Variants in TRIP11 observed in about 807,000 individuals in gnomAD.
TRIP11 encodes thyroid hormone receptor interactor 11, also known as thyroid receptor-interacting protein 11.
A neutral mutation model predicts 223.1 loss-of-function variants in TRIP11; 148 were observed. That is an observed-to-expected ratio of 0.66 (90% CI 0.58 to 0.76). TRIP11 has a LOEUF of 0.76. Ranked by LOEUF, TRIP11 falls within the 30% of genes least tolerant of loss-of-function variation. The pLI, the probability that TRIP11 is intolerant of heterozygous loss-of-function variation, is 0.00. For missense variants in TRIP11, 2,043 were observed against 2,222.0 expected (o/e 0.92, Z 1.62); for synonymous variants, 762 against 772.6 (o/e 0.99, Z 0.23).
chr14:91,999,371 A>G lies in TRIP11; in HGVS notation c.4761T>C (p.His1587=), dbSNP rs559800255. ...SNQELERLRN[H]LLESEDSYTR... ...TATAAGAATCTTCTGATTCTAAAAG[A>G]TGATTACGCAATCTCTCTAGCTCTT... Residue 1587 remains histidine (H), a synonymous_variant, in exon 13 of 21, where the codon CAT becomes CAC. Coordinates refer to ENST00000267622, the MANE Select transcript of TRIP11 (RefSeq NM_004239.4). 27 of 1,613,952 alleles carry G rather than the reference A, an allele frequency of 1.7e-5. No homozygotes were observed. The highest frequency in any genetic ancestry group is 3.3e-4 in the Middle Eastern group (2 of 6,058).
intron 16 of TRIP11, among the ~76,000 whole-genome samples, chr14:91,982,938 A>T (rs2056562364): frequency 2.0e-5 from 3 of 152,146 alleles, no homozygotes. Context: ...ATGTGCACAC[A>T]TACCCACCAC....
At chr14:92,014,132 T>C (rs1012936647) in intron 7 of TRIP11, 83 bp downstream of exon 7, 32 of 1,540,764 alleles carry the variant, frequency 2.1e-5, no homozygotes, top group Non-Finnish European at 2.7e-5. Flanking sequence ...CCACTAAGTA[T>C]TCAGTTAGTG....
intron 2 of TRIP11, among the ~76,000 whole-genome samples, chr14:92,032,857 TTAAA>T (rs1347135169): frequency 1.3e-5 from 2 of 151,910 alleles, no homozygotes; most frequent in Non-Finnish European, 1.5e-5. Flanking sequence ...AAAATTATTC[TTAAA>T]TAAATGTGCC....
rs1260339150 is a variant in TRIP11, at chr14:91,977,798, T to C, written c.5261-1609A>G. Among the ~76,000 whole-genome samples, 3 of 152,212 alleles carry C rather than the reference T, an allele frequency of 2.0e-5. 1 individual carries two copies. In the East Asian group the frequency reaches 5.8e-4, roughly 29 times the overall value. ...TTCTGCACAATGCCCAAAATTCCGA[T>C]TTATGGTACTAAATTCGTATATAAA... On this transcript the variant is annotated intron_variant, in intron 16 of 20. Transcript: ENST00000267622.
intron 11 of TRIP11, among the ~76,000 whole-genome samples, chr14:92,001,375 A>C (rs7161006): frequency 7.9e-6 from 1 of 126,194 alleles, no homozygotes. Context: ...ATAGTTTTTC[A>C]GTTTTTTTTT....
Position 91,968,324 on chromosome 14 carries a change from C to G in TRIP11, c.*1349G>C, listed in dbSNP as rs1447208969. 1 of 204,792 alleles carries G rather than the reference C, an allele frequency of 4.9e-6. No individual in the cohort carries two copies. The highest frequency in any genetic ancestry group is 7.5e-5 in the East Asian group (1 of 13,364). 12.7% of individuals were successfully genotyped at this position (204,792 alleles called of 1,614,324 possible). ...TGAACATCCAGATACAGTTAAGTTT[C>G]AAGTCGGGATTTTTTTTTTATGATG... On this transcript the variant is annotated 3_prime_UTR_variant, in exon 21 of 21. Coordinates refer to ENST00000267622, the MANE Select transcript of TRIP11 (RefSeq NM_004239.4).
rs748913290 is a variant in TRIP11, at chr14:92,033,390, C to T, written c.140-137G>A. On this transcript the variant is annotated intron_variant, in intron 1 of 20. Transcript: ENST00000267622. Reference sequence around the variant, plus strand: ...ATGAAAGCATTCAGAAGAAACAAATCGCTTTATTTCCATAACAACTTTTCA... The same window carrying T: ...ATGAAAGCATTCAGAAGAAACAAATTGCTTTATTTCCATAACAACTTTTCA... 6.6e-5 allele frequency: 45 copies of T among 683,152 alleles called. 1 individual carries two copies. The Middle Eastern group carries it at 1.2e-3, about 19-fold the overall frequency. 42.3% of individuals were successfully genotyped at this position (683,152 alleles called of 1,614,324 possible).
chr14:92,017,216 T>C lies in TRIP11; in HGVS notation c.657+466A>G, dbSNP rs554761988. 5.3e-5 allele frequency among the ~76,000 whole-genome samples: 8 copies of C among 152,066 alleles called. No homozygotes were observed. The East Asian group carries it at 1.5e-3, about 29-fold the overall frequency. ...GGAAAGACAGAGATTTTTATATACT[T>C]TACATAAATAATAAAGAATATTAAA... On this transcript the variant is annotated intron_variant, in intron 5 of 20. Transcript: ENST00000267622.
Position 91,978,976 on chromosome 14 carries a change from G to A in TRIP11, c.5261-2787C>T, listed in dbSNP as rs1158064177. Among the ~76,000 whole-genome samples the A allele has an allele frequency of 6.6e-6, 1 of 152,080 alleles. No individual in the cohort carries two copies. ...ACTATCTCTTATTTTAAAAAGAGAG[G>A]CTGGGCGCAGTGGCTCACGCTTGTA... On this transcript the variant is annotated intron_variant, in intron 16 of 20. Coordinates refer to ENST00000267622, the MANE Select transcript of TRIP11 (RefSeq NM_004239.4). This position sits in a 1 kb window ranked among gnomAD's most constrained non-coding sequence, Gnocchi z 4.4.
chr14:91,983,177 T>G (rs911734823), intron 16 of TRIP11, among the ~76,000 whole-genome samples: 10 of 152,216 alleles, frequency 6.6e-5, no homozygotes, highest in African/African-American at 2.4e-4. Flanking sequence ...TCTAAACCAT[T>G]TGTTTCATGT....
intron 19 of TRIP11, among the ~76,000 whole-genome samples, chr14:91,973,856 C>A (rs1437210460): frequency 6.6e-6 from 1 of 152,114 alleles, no homozygotes; most frequent in Non-Finnish European, 1.5e-5. Flanking sequence ...GAAACCCAGT[C>A]TCCACTAAAA....
At position 91,968,467 on chromosome 14, in the gene TRIP11, C is replaced by T. The variant is rs2056361322; in HGVS notation, c.*1206G>A. 1 of 213,302 alleles carries T rather than the reference C, an allele frequency of 4.7e-6. No individual in the cohort carries two copies. The highest frequency in any genetic ancestry group is 7.0e-5 in the East Asian group (1 of 14,194). The allele number at this position is 213,302 out of a possible 1,614,324, so 13.2% of individuals were successfully genotyped here. On this transcript the variant is annotated 3_prime_UTR_variant, in exon 21 of 21. Transcript: ENST00000267622. The stretch of plus-strand genomic sequence containing the variant: ...GTGATAACAGTTGACTCTCGGATTG[C>T]TGTACCTCATATGTCAACACCGCAG...
Position 91,969,791 on chromosome 14 carries a change from C to T in TRIP11, c.5822G>A (p.Gly1941Asp). The change falls in exon 21 of 21, where the codon GGT (glycine) becomes GAT (aspartate). Residue 1941 changes from glycine to aspartate, a missense_variant. Gly to Asp is a moderately conservative substitution (Grantham distance 94). Transcript: ENST00000267622. Reference protein sequence around the residue: ...PLINPAGLGPGGPGHLLLKPI... With the variant: ...PLINPAGLGPDGPGHLLLKPI... The stretch of plus-strand genomic sequence containing the variant: ...TTTCAGAAGAAGATGCCCGGGCCCA[C>T]CAGGTCCAAGTCCAGCTGGGTTAAT... The T allele has an allele frequency of 6.2e-7, 1 of 1,614,136 alleles. No individual in the cohort carries two copies. Among genetic ancestry groups the T allele is most frequent in the Non-Finnish European group, 8.5e-7 (1 of 1,180,034 alleles).
chr14:92,020,498 A>C (rs1190058149), intron 4 of TRIP11, among the ~76,000 whole-genome samples: 1 of 152,138 alleles, frequency 6.6e-6, no homozygotes, highest in Non-Finnish European at 1.5e-5. Context: ...TTCATTTTAC[A>C]TGTAACTAGA....
Position 92,006,066 on chromosome 14 carries a change from C to T in TRIP11, c.1910G>A (p.Ser637Asn). The change falls in exon 11 of 21, where the codon AGT (serine) becomes AAT (asparagine). Residue 637 changes from serine (S) to asparagine (N), a missense_variant. Coordinates refer to ENST00000267622, the MANE Select transcript of TRIP11 (RefSeq NM_004239.4). ...LMQSLNQDSN[S>N]NFKDTLLKER... The stretch of plus-strand genomic sequence containing the variant: ...TTTAAGTAAGGTATCCTTAAAATTA[C>T]TATTAGAGTCTTGATTTAGAGACTG... 1 of 1,584,746 alleles carries T rather than the reference C, an allele frequency of 6.3e-7. No individual in the cohort carries two copies. The highest frequency in any genetic ancestry group is 8.5e-7 in the Non-Finnish European group (1 of 1,170,314).
chr14:91,992,848 G>A (rs1308022549), intron 15 of TRIP11, among the ~76,000 whole-genome samples: 2 of 130,958 alleles, frequency 1.5e-5, no homozygotes, highest in East Asian at 2.5e-4. Context: ...GGGGGAGTTT[G>A]CAGTGAGCCG....
At chr14:91,996,800 C>T (rs2056756852) in intron 13 of TRIP11, among the ~76,000 whole-genome samples, 1 of 152,168 alleles carries the variant, frequency 6.6e-6, no homozygotes, top group Non-Finnish European at 1.5e-5. Context: ...TTATCTTTTA[C>T]TATCATCTTT....
intron 1 of TRIP11, among the ~76,000 whole-genome samples, chr14:92,039,314 G>A (rs916584287): frequency 1.3e-5 from 2 of 152,172 alleles, no homozygotes; most frequent in Admixed American, 6.5e-5. Flanking sequence ...ACTGTACTTT[G>A]AGATATCCAG....
chr14:92,021,670 A>C lies in TRIP11; in HGVS notation c.474T>G (p.His158Gln). ...YGISHHPSAFHDDDMDFGDII... is the reference protein window; with the variant it reads ...YGISHHPSAFQDDDMDFGDII... ...TATCACCAAAGTCCATGTCATCGTCATGGAAAGCTGAAGGATGATGACTAA... is the reference window on the plus strand; with the variant it reads ...TATCACCAAAGTCCATGTCATCGTCCTGGAAAGCTGAAGGATGATGACTAA... The change falls in exon 4 of 21, where the codon CAT becomes CAG. Residue 158 changes from histidine (H) to glutamine (Q), a missense_variant. Coordinates refer to ENST00000267622, the MANE Select transcript of TRIP11 (RefSeq NM_004239.4). 1.2e-6 allele frequency: 2 copies of C among 1,614,188 alleles called. No homozygotes were observed. The highest frequency in any genetic ancestry group is 1.1e-5 in the South Asian group (1 of 91,088).
Sources: gnomAD v4.1 joint callset for allele counts (sites outside exome capture counted in the v4.1 genomes callset) on GRCh38, gnomAD v4.1.1 for gene constraint, Gnocchi (gnomAD v3.1) non-coding constraint, MANE v1.5 for transcripts, NCBI Gene and HGNC (gene_info 2026-07-23, HGNC 2026-07-21) for gene names.